GRK3: variants seen among roughly 807,000 people sequenced by gnomAD.
GRK3 encodes the protein adrenergic, beta, receptor kinase 2.
Under a neutral mutation model 95.7 loss-of-function variants are expected in GRK3, and 54 were observed. That is an observed-to-expected ratio of 0.56 (90% CI 0.45 to 0.71). The LOEUF is 0.71. Ranked by LOEUF, GRK3 falls within the 30% of genes least tolerant of loss-of-function variation. GRK3 has a pLI of 0.00. For missense variants in GRK3, 649 were observed against 851.2 expected, an observed-to-expected ratio of 0.76 and a Z score of 2.96; for synonymous variants, 281 against 290.8, an observed-to-expected ratio of 0.97 and a Z score of 0.34.
At chr22:25,585,390 T>C (rs1212485435) in intron 1 of GRK3, among the ~76,000 whole-genome samples, 3 of 139,072 alleles carry the variant, frequency 2.2e-5, no homozygotes, top group Non-Finnish European at 3.2e-5. Flanking sequence ...ATAGGTAGAA[T>C]GTAATGGTTA....
intron 2 of GRK3, among the ~76,000 whole-genome samples, chr22:25,620,006 TTGTGTGTGTG>T (rs56260834): frequency 4.3e-4 from 39 of 90,316 alleles, no homozygotes; most frequent in Non-Finnish European, 4.5e-4. Flanking sequence ...TTTGTCTTTT[TTGTGTGTGTG>T]TGTGTGTGTG....
At chr22:25,616,495 T>G (rs2084540191) in intron 2 of GRK3, among the ~76,000 whole-genome samples, 1 of 152,100 alleles carries the variant, frequency 6.6e-6, no homozygotes, top group Non-Finnish European at 1.5e-5. Flanking sequence ...AGGAAATCCG[T>G]GCCCATGACC....
intron 3 of GRK3, among the ~76,000 whole-genome samples, chr22:25,660,361 A>T (rs1325385694): frequency 6.6e-6 from 1 of 152,198 alleles, no homozygotes; most frequent in Non-Finnish European, 1.5e-5. Context: ...TGGATAGAGT[A>T]TCAGCCTTCC....
At chr22:25,702,329 G>A (rs1010154502) in intron 13 of GRK3, among the ~76,000 whole-genome samples, 3 of 152,136 alleles carry the variant, frequency 2.0e-5, no homozygotes, top group African/African-American at 4.8e-5. Flanking sequence ...AAGATAAGTG[G>A]CATTTTAATT....
At position 25,722,723 on chromosome 22, in the gene GRK3, A is replaced by C; in HGVS notation, c.*273A>C. Reference sequence around the variant, plus strand: ...TGAAGTGACTCCTACTTATCACGTAAATTTTTATGTCTGATATCAAACACA... The same window carrying C: ...TGAAGTGACTCCTACTTATCACGTACATTTTTATGTCTGATATCAAACACA... On this transcript the variant is annotated 3_prime_UTR_variant, in exon 21 of 21. Coordinates refer to ENST00000324198, the MANE Select transcript of GRK3 (RefSeq NM_005160.4). 1 of 320,084 alleles carries C rather than the reference A, an allele frequency of 3.1e-6. No homozygotes were observed. Among genetic ancestry groups the C allele is most frequent in the Non-Finnish European group, 5.8e-6 (1 of 173,434 alleles). 19.8% of individuals were successfully genotyped at this position (320,084 alleles called of 1,614,324 possible).
At chr22:25,602,695 C>T (rs2084417393) in intron 1 of GRK3, among the ~76,000 whole-genome samples, 1 of 152,034 alleles carries the variant, frequency 6.6e-6, no homozygotes, top group Non-Finnish European at 1.5e-5. Flanking sequence ...CAAAAGAAGC[C>T]AGACACAACA....
chr22:25,576,384 T>G (rs566180508), intron 1 of GRK3, among the ~76,000 whole-genome samples: 1 of 152,358 alleles, frequency 6.6e-6, no homozygotes, highest in Admixed American at 6.5e-5. Flanking sequence ...TTTTCATGTT[T>G]CCCATTGTAA....
intron 6 of GRK3, among the ~76,000 whole-genome samples, chr22:25,668,680 A>G (rs2084958674): frequency 6.6e-6 from 1 of 152,180 alleles, no homozygotes. Flanking sequence ...GCCAGCATCA[A>G]AGGGAGAGGG....
intron 2 of GRK3, among the ~76,000 whole-genome samples, chr22:25,617,852 A>C (rs1231223754): frequency 6.6e-6 from 1 of 151,950 alleles, no homozygotes; most frequent in Non-Finnish European, 1.5e-5. Context: ...TCTCGGCTCC[A>C]TGCAACCTCT....
chr22:25,717,140 A>C (rs1227190363), intron 18 of GRK3, among the ~76,000 whole-genome samples: 3 of 152,144 alleles, frequency 2.0e-5, no homozygotes, highest in Non-Finnish European at 4.4e-5. Context: ...TTATAGGTAA[A>C]CTAGAGGTGA....
chr22:25,695,060 C>T (rs2085196339), intron 12 of GRK3, 47 bp from the exon 13 acceptor site: 2 of 1,425,360 alleles, frequency 1.4e-6, no homozygotes, highest in South Asian at 2.4e-5. Flanking sequence ...TTAGTGTTTT[C>T]TAAAGTGGGC....
At chr22:25,671,593 T>C (rs2146413339) in intron 6 of GRK3, among the ~76,000 whole-genome samples, 1 of 152,288 alleles carries the variant, frequency 6.6e-6, no homozygotes, top group South Asian at 2.1e-4. Context: ...CAAATTCCAC[T>C]CTCCCACTCT....
intron 1 of GRK3, among the ~76,000 whole-genome samples, chr22:25,586,270 C>G (rs1313442988): frequency 6.6e-6 from 1 of 152,270 alleles, no homozygotes; most frequent in Non-Finnish European, 1.5e-5. Context: ...CTATCATTAA[C>G]AGTTAGAAAG....
chr22:25,616,868 A>T (rs1261215811), intron 2 of GRK3, among the ~76,000 whole-genome samples: 1 of 152,226 alleles, frequency 6.6e-6, no homozygotes, highest in Non-Finnish European at 1.5e-5. Context: ...GAATTAAAGT[A>T]ACTTGATTTG....
intron 12 of GRK3, among the ~76,000 whole-genome samples, 185 bp from the exon 13 acceptor site, chr22:25,694,922 A>G (rs572531698): frequency 7.9e-5 from 12 of 152,334 alleles, no homozygotes; most frequent in African/African-American, 2.4e-4. Flanking sequence ...TACATGAGTG[A>G]AGGCAGAAAA....
At chr22:25,598,046 G>A (rs1008673) in intron 1 of GRK3, among the ~76,000 whole-genome samples, 127,054 of 152,214 alleles carry the variant, frequency 0.83, 53,634 homozygotes, top group East Asian at 1. Flanking sequence ...AGTACCTGCA[G>A]TAATGTAAAA....
At chr22:25,713,299 A>AC (rs2085358817) in intron 17 of GRK3, among the ~76,000 whole-genome samples, 1 of 152,174 alleles carries the variant, frequency 6.6e-6, no homozygotes. Flanking sequence ...ATTCAGAGCA[A>AC]CTGAGGGGCT....
intron 6 of GRK3, among the ~76,000 whole-genome samples, chr22:25,669,476 C>T (rs758289801): frequency 6.6e-6 from 1 of 152,210 alleles, no homozygotes; most frequent in Non-Finnish European, 1.5e-5. Context: ...CCTACTCCAC[C>T]CTTACTGCAT....
intron 3 of GRK3, among the ~76,000 whole-genome samples, chr22:25,645,992 G>A (rs2084779576): frequency 6.6e-6 from 1 of 151,514 alleles, no homozygotes; most frequent in South Asian, 2.1e-4. Context: ...CCAACCTAGC[G>A]CCATCCCTCA....
Sources: allele counts gnomAD v4.1 joint callset (sites outside exome capture counted in the v4.1 genomes callset), GRCh38; gene constraint gnomAD v4.1.1; transcripts MANE v1.5; gene names NCBI Gene and HGNC (gene_info 2026-07-23, HGNC 2026-07-21).